Variants in DLGAP1 observed in about 807,000 individuals in gnomAD.
DLGAP1 encodes disks large-associated protein 1.
DLGAP1 carries 11 observed loss-of-function variants against 90.8 expected under a neutral mutation model. That is an observed-to-expected ratio of 0.12 (90% CI 0.08 to 0.20). The LOEUF (loss-of-function observed/expected upper bound fraction) is 0.20. DLGAP1 is among the 10% of genes least tolerant of loss of function. The probability of loss-of-function intolerance (pLI) is 1.00; values close to 1 mark genes in which losing one functional copy is unlikely to be tolerated. For missense variants in DLGAP1, 1,050 were observed against 1,333.8 expected, an observed-to-expected ratio of 0.79 and a Z score of 3.31; for synonymous variants, 558 against 540.7, an observed-to-expected ratio of 1.03 and a Z score of -0.44.
At position 4,365,923 on chromosome 18, in the gene DLGAP1, T is replaced by C. The variant is rs554709300; in HGVS notation, c.-267+89083A>G. Among the ~76,000 whole-genome samples the C allele has an allele frequency of 7.2e-5, 11 of 152,248 alleles. No individual in the cohort carries two copies. In the South Asian group the frequency reaches 2.3e-3, roughly 32 times the overall value. On this transcript the variant is annotated intron_variant, in intron 1 of 12. Coordinates refer to ENST00000315677, the MANE Select transcript of DLGAP1 (RefSeq NM_004746.4). ...AAATAGCTTGGCAATTACTCATAAG[T>C]TTTTTAAATGTTATCAGCGTAAACT...
chr18:4,204,037 C>T (rs1310754040), intron 1 of DLGAP1, among the ~76,000 whole-genome samples: 2 of 152,136 alleles, frequency 1.3e-5, no homozygotes, highest in African/African-American at 2.4e-5. Context: ...ACACATGGTC[C>T]ATAATTTTAA....
In DLGAP1 at chr18:3,583,873, G is replaced by A. The variant is rs183698870; in HGVS notation, c.1592-1625C>T. On this transcript the variant is annotated intron_variant, in intron 7 of 12. Transcript: ENST00000315677. ...TGAGGTAGCAGAATTGCTTGAACCT[G>A]GGGGGAGGAGGTTGCAGTGAGCTGA... Among the ~76,000 whole-genome samples the A allele has an allele frequency of 3.2e-3, 484 of 152,290 alleles. 1 individual carries two copies. Among genetic ancestry groups the A allele is most frequent in the African/African-American group, 0.011 (452 of 41,552 alleles).
Position 3,879,591 on chromosome 18 carries a change from T to C in DLGAP1, c.478A>G (p.Lys160Glu). 6.2e-7 allele frequency: 1 copy of C among 1,601,162 alleles called. No homozygotes were observed. The highest frequency in any genetic ancestry group is 8.5e-7 in the Non-Finnish European group (1 of 1,177,828). Residue 160 changes from lysine (K) to glutamate (E), a missense_variant, in exon 4 of 13, where the codon AAG (lysine) becomes GAG (glutamate). Around this residue, in one of 2 missense-constraint regions of DLGAP1, gnomAD observed 485 missense variants for 454.1 expected, o/e 1.07. Coordinates refer to ENST00000315677, the MANE Select transcript of DLGAP1 (RefSeq NM_004746.4). The surrounding 1 kb of genome is among the most constrained non-coding windows in gnomAD (Gnocchi z 6.6). ...GCCTTGCCCCCGTTGACGCTGCCCTTGGACGGCCCCTCCAGGGAGTGCGAC... is the reference window on the plus strand; with the variant it reads ...GCCTTGCCCCCGTTGACGCTGCCCTCGGACGGCCCCTCCAGGGAGTGCGAC... ...TKSHSLEGPS[K>E]GSVNGGKASP...
At chr18:3,500,560 G>A (rs1312766709) in intron 12 of DLGAP1, among the ~76,000 whole-genome samples, 5 of 152,236 alleles carry the variant, frequency 3.3e-5, no homozygotes, top group African/African-American at 4.8e-5. Flanking sequence ...CTACCCCACC[G>A]GCTGTCTAAG....
At chr18:3,916,547 T>G (rs1599155635) in intron 3 of DLGAP1, among the ~76,000 whole-genome samples, 1 of 152,220 alleles carries the variant, frequency 6.6e-6, no homozygotes, top group Non-Finnish European at 1.5e-5. Flanking sequence ...TCAGTTGGTA[T>G]GGAGCTTGAA....
intron 8 of DLGAP1, among the ~76,000 whole-genome samples, chr18:3,573,812 C>T (rs1287674674): frequency 1.3e-5 from 2 of 152,086 alleles, no homozygotes; most frequent in Admixed American, 6.6e-5. Context: ...AGTGATCCTC[C>T]CACCTCAGCC....
rs2074487910 is a variant in DLGAP1, at chr18:4,014,556, T to C, written c.-158-9355A>G. 2.0e-5 allele frequency among the ~76,000 whole-genome samples: 3 copies of C among 152,206 alleles called. No homozygotes were observed. The South Asian group carries it at 6.2e-4, about 32-fold the overall frequency. Reference sequence around the variant, plus strand: ...AGTAGCTAGAAGCAAAGAACTGTAATGTCCCCAACACAAAGAAAAGATAAA... The same window carrying C: ...AGTAGCTAGAAGCAAAGAACTGTAACGTCCCCAACACAAAGAAAAGATAAA... On this transcript the variant is annotated intron_variant, in intron 2 of 12. Coordinates refer to ENST00000315677, the MANE Select transcript of DLGAP1 (RefSeq NM_004746.4).
intron 7 of DLGAP1, among the ~76,000 whole-genome samples, chr18:3,620,549 TTA>T (rs2058059672): frequency 5.9e-5 from 2 of 33,670 alleles, no homozygotes; most frequent in Non-Finnish European, 1.3e-4. Context: ...TCACATTTTA[TTA>T]TTATTATTAT....
At chr18:3,864,681 G>A (rs1468521683) in intron 4 of DLGAP1, among the ~76,000 whole-genome samples, 1 of 152,098 alleles carries the variant, frequency 6.6e-6, no homozygotes, top group Non-Finnish European at 1.5e-5. Context: ...TATTCTGATA[G>A]ACTTCCGAAG....
intron 1 of DLGAP1, among the ~76,000 whole-genome samples, chr18:4,351,549 T>C (rs1052671061): frequency 1.3e-5 from 2 of 152,144 alleles, no homozygotes; most frequent in African/African-American, 4.8e-5. Flanking sequence ...GATACATACA[T>C]ACATGGGACA....
At chr18:4,285,517 T>C (rs1468725761) in intron 1 of DLGAP1, among the ~76,000 whole-genome samples, 1 of 152,066 alleles carries the variant, frequency 6.6e-6, no homozygotes, top group Non-Finnish European at 1.5e-5. Context: ...TGGATCTTGA[T>C]AAAAGAAAAA....
chr18:4,421,488 A>C (rs1256436154), intron 1 of DLGAP1, among the ~76,000 whole-genome samples: 1 of 152,162 alleles, frequency 6.6e-6, no homozygotes, highest in Non-Finnish European at 1.5e-5. Flanking sequence ...TTCCAGGATT[A>C]GGACATGAAC....
chr18:4,150,243 G>T (rs1338857745), intron 2 of DLGAP1, among the ~76,000 whole-genome samples: 1 of 152,166 alleles, frequency 6.6e-6, no homozygotes, highest in Non-Finnish European at 1.5e-5. Flanking sequence ...TCAGCAATAT[G>T]AATCTCCTTC....
Position 3,506,370 on chromosome 18 carries a change from G to A in DLGAP1, c.2571+2200C>T, listed in dbSNP as rs573158832. On this transcript the variant is annotated intron_variant, in intron 11 of 12. Coordinates refer to ENST00000315677, the MANE Select transcript of DLGAP1 (RefSeq NM_004746.4). Reference sequence around the variant, plus strand: ...CTCTACTAAAAATACAAAATTGGCCGGCTGTGGTGGCGCATGCCTGTAATC... The same window carrying A: ...CTCTACTAAAAATACAAAATTGGCCAGCTGTGGTGGCGCATGCCTGTAATC... Among the ~76,000 whole-genome samples the A allele has an allele frequency of 4.0e-5, 6 of 151,836 alleles. No homozygotes were observed. The South Asian group carries it at 8.3e-4, about 21-fold the overall frequency.
chr18:4,415,584 A>C (rs1217734617), intron 1 of DLGAP1, among the ~76,000 whole-genome samples: 1 of 152,172 alleles, frequency 6.6e-6, no homozygotes, highest in Non-Finnish European at 1.5e-5. Context: ...AACTTTTTTT[A>C]CTATAATTGG....
At chr18:4,393,607 T>G (rs1007487113) in intron 1 of DLGAP1, among the ~76,000 whole-genome samples, 2 of 152,200 alleles carry the variant, frequency 1.3e-5, no homozygotes, top group Admixed American at 6.5e-5. Context: ...GTAATGAAAT[T>G]TTCATTTGTA....
intron 7 of DLGAP1, among the ~76,000 whole-genome samples, chr18:3,694,230 T>C (rs182658266): frequency 6.6e-6 from 1 of 152,344 alleles, no homozygotes; most frequent in East Asian, 1.9e-4. Context: ...TCCATTTTTA[T>C]GGCTGCATAG....
chr18:3,941,179 T>C (rs1038685261), intron 3 of DLGAP1, among the ~76,000 whole-genome samples: 1 of 152,224 alleles, frequency 6.6e-6, no homozygotes, highest in African/African-American at 2.4e-5. Context: ...AAACCAAGAA[T>C]GCAAATAGAA....
chr18:4,126,121 C>A (rs1004942966), intron 2 of DLGAP1, among the ~76,000 whole-genome samples: 1 of 152,262 alleles, frequency 6.6e-6, no homozygotes, highest in African/African-American at 2.4e-5. Context: ...GCAGCCTGCA[C>A]CGAGCAGGGA....
Sources: gnomAD v4.1 joint callset for allele counts (sites outside exome capture counted in the v4.1 genomes callset) on GRCh38, gnomAD v4.1.1 for gene constraint, gnomAD v4.1.1 regional missense constraint, Gnocchi (gnomAD v3.1) non-coding constraint, MANE v1.5 for transcripts, NCBI Gene and HGNC (gene_info 2026-07-23, HGNC 2026-07-21) for gene names.